ERBB2: variants seen among roughly 807,000 people sequenced by gnomAD.
The protein encoded by ERBB2 is receptor tyrosine-protein kinase erbB-2.
In ERBB2, 61 loss-of-function variants were observed where a neutral mutation model predicts 149.0. That is an observed-to-expected ratio of 0.41 (90% confidence interval 0.33 to 0.51). ERBB2 has a LOEUF of 0.51. Among genes scored for constraint, ERBB2 ranks in the 20% least tolerant of loss-of-function variants. The pLI is 0.25. For missense variants in ERBB2, 1,205 were observed against 1,655.1 expected (o/e 0.73, Z 4.72); for synonymous variants, 633 against 678.8 (o/e 0.93, Z 1.05).
Position 39,709,298 on chromosome 17 carries a change from G to A in ERBB2, c.440-20G>A. 2 of 1,613,946 alleles carry A rather than the reference G, an allele frequency of 1.2e-6. No homozygotes were observed. The highest frequency in any genetic ancestry group is 1.7e-6 in the Non-Finnish European group (2 of 1,179,894). On this transcript the variant is annotated intron_variant, in intron 3 of 26. Coordinates refer to ENST00000269571, the MANE Select transcript of ERBB2 (RefSeq NM_004448.4). ...GTGACAGAAGGGGAAAGGGTCCTCT[G>A]ATCATTGCTCACCCCACAGAGATCT...
In ERBB2 at chr17:39,728,605, G is replaced by A. The variant is rs552475695; in HGVS notation, c.*561G>A. 4 of 233,496 alleles carry A rather than the reference G, an allele frequency of 1.7e-5. No homozygotes were observed. The highest frequency in any genetic ancestry group is 8.8e-5 in the African/African-American group (4 of 45,426). The allele number at this position is 233,496 out of a possible 1,614,324, so 14.5% of individuals were successfully genotyped here. A position where few individuals can be genotyped will look rare whatever the true frequency, so the allele number is the denominator to read the frequency against. ...GGTGTTGTATGGGGAGGCAAGTGTG[G>A]GGGGTCCTTCTCCACACCCACTTTG... On this transcript the variant is annotated 3_prime_UTR_variant, in exon 27 of 27. Coordinates refer to ENST00000269571, the MANE Select transcript of ERBB2 (RefSeq NM_004448.4).
chr17:39,696,795 C>T (rs2643194), upstream of ERBB2: 101,469 of 152,144 alleles, frequency 0.67, 34,138 homozygotes, highest in South Asian at 0.73. Context: ...CAGTAGCTTT[C>T]CTGACTGGAC....
In ERBB2 at chr17:39,715,891, C is replaced by G. The variant is rs987507136; in HGVS notation, c.1465C>G (p.Pro489Ala). The G allele has an allele frequency of 1.2e-6, 2 of 1,612,348 alleles. No homozygotes were observed. The highest frequency in any genetic ancestry group is 1.7e-6 in the Non-Finnish European group (2 of 1,180,022). Reference sequence around the variant, plus strand: ...GCCCTGGGACCAGCTCTTTCGGAACCCGCACCAAGCTCTGCTCCACACTGC... The same window carrying G: ...GCCCTGGGACCAGCTCTTTCGGAACGCGCACCAAGCTCTGCTCCACACTGC... ...TVPWDQLFRN[P>A]HQALLHTANR... The change falls in exon 12 of 27, where the codon CCG becomes GCG. Residue 489 changes from proline to alanine, a missense_variant. Pro to Ala is a conservative substitution (Grantham distance 27, BLOSUM62 -1). This residue lies in a region of ERBB2 where 569 missense variants were observed against 803.5 expected (regional missense o/e 0.71). Coordinates refer to ENST00000269571, the MANE Select transcript of ERBB2 (RefSeq NM_004448.4).
Position 39,700,314 on chromosome 17 carries a change from G to A in ERBB2, c.73+3G>A, listed in dbSNP as rs1036425677. 1.8e-5 allele frequency: 26 copies of A among 1,409,126 alleles called. No homozygotes were observed. In the African/African-American group the frequency reaches 2.5e-4, roughly 14 times the overall value. The allele number at this position is 1,409,126 out of a possible 1,614,324, so 87.3% of individuals were successfully genotyped here. On this transcript the variant is annotated splice_donor_region_variant and intron_variant, in intron 1 of 26. Transcript: ENST00000269571. The stretch of plus-strand genomic sequence containing the variant: ...CCCCGGAGCCGCGAGCACCCAAGGT[G>A]GGTCTGGTGTGGGGAGGGGACGGAG...
chr17:39,694,245 A>ATG (rs1481728992), upstream of ERBB2, among the ~76,000 whole-genome samples: 1 of 41,654 alleles, frequency 2.4e-5, no homozygotes, highest in African/African-American at 8.3e-5. Context: ...ATATATATAT[A>ATG]TATATATATA....
intron 9 of ERBB2, chr17:39,713,064 T>C (rs1463828670): frequency 6.5e-6 from 1 of 152,796 alleles, no homozygotes; most frequent in Non-Finnish European, 1.5e-5. Context: ...GGGTAGTGGA[T>C]ACATGAGCGA....
rs775001274 is a variant in ERBB2 at position 39,726,803 on chromosome 17, CT to C, written c.2971-10del. Reference sequence around the variant, plus strand: ...GGGAGGGGCCACCATCCTGCCTCTCCTTCCTCCACAGAATGAGGACTTGGGC... The same window carrying C: ...GGGAGGGGCCACCATCCTGCCTCTCCTCCTCCACAGAATGAGGACTTGGGC... On this transcript the variant is annotated splice_polypyrimidine_tract_variant and intron_variant, in intron 24 of 26. Transcript: ENST00000269571. This position sits in a 1 kb window ranked among gnomAD's most constrained non-coding sequence, Gnocchi z 5.1. The C allele has an allele frequency of 4.7e-5, 76 of 1,608,856 alleles. No individual in the cohort carries two copies. Among genetic ancestry groups the C allele is most frequent in the Non-Finnish European group, 6.4e-5 (75 of 1,176,346 alleles).
chr17:39,721,824 A>G (rs1237395450), intron 16 of ERBB2, among the ~76,000 whole-genome samples: 4 of 152,234 alleles, frequency 2.6e-5, no homozygotes, highest in East Asian at 3.8e-4. Context: ...TGACTTTACA[A>G]TGGTGGAAAA....
At chr17:39,709,253 G>A (rs2145465386) in intron 3 of ERBB2, 65 bp from the exon 4 acceptor site, 1 of 1,588,330 alleles carries the variant, frequency 6.3e-7, no homozygotes, top group Non-Finnish European at 8.6e-7. Flanking sequence ...AAGGCAGGAG[G>A]GCCCCAAGGG....
rs755744500 is a variant in ERBB2 at position 39,728,039 on chromosome 17, G to T, written c.3763G>T (p.Val1255Leu). The change falls in exon 27 of 27, where the codon GTG becomes TTG. Residue 1255 changes from valine to leucine, a missense_variant. Val to Leu is a conservative substitution (Grantham distance 32). Around this residue, in one of 6 missense-constraint regions of ERBB2, gnomAD observed 312 missense variants for 343.8 expected, o/e 0.91. Coordinates refer to ENST00000269571, the MANE Select transcript of ERBB2 (RefSeq NM_004448.4). ...NPEYLGLDVPV is the reference protein window; with the variant it reads ...NPEYLGLDVPL ...AGAGTACCTGGGTCTGGACGTGCCAGTGTGAACCAGAAGGCCAAGTCCGCA... is the reference window on the plus strand; with the variant it reads ...AGAGTACCTGGGTCTGGACGTGCCATTGTGAACCAGAAGGCCAAGTCCGCA... The T allele has an allele frequency of 1.1e-5, 17 of 1,578,978 alleles. No homozygotes were observed. The East Asian group carries it at 3.4e-4, about 31-fold the overall frequency.
In ERBB2 at chr17:39,709,837, AG is replaced by A; in HGVS notation, c.602del (p.Gly201AlafsTer15). 1 of 1,613,340 alleles carries A rather than the reference AG, an allele frequency of 6.2e-7. No homozygotes were observed. The highest frequency in any genetic ancestry group is 8.5e-7 in the Non-Finnish European group (1 of 1,179,978). ...GGCCACCCCTGTTCTCCGATGTGTAAGGGCTCCCGCTGCTGGGGAGAGAGTT... is the reference window on the plus strand; with the variant it reads ...GGCCACCCCTGTTCTCCGATGTGTAAGGCTCCCGCTGCTGGGGAGAGAGTT... Reference protein sequence around the residue: ...RACHPCSPMCKGSRCWGESSE... With the variant: ...RACHPCSPMCXGSRCWGESSE... On this transcript the variant is annotated frameshift_variant, in exon 5 of 27. Coordinates refer to ENST00000269571, the MANE Select transcript of ERBB2 (RefSeq NM_004448.4). LOFTEE classifies it high-confidence loss of function.
chr17:39,710,192 T>C lies in ERBB2; in HGVS notation c.750T>C (p.Ser250=), dbSNP rs2145506722. 1 of 1,612,808 alleles carries C rather than the reference T, an allele frequency of 6.2e-7. No individual in the cohort carries two copies. Among genetic ancestry groups the C allele is most frequent in the Non-Finnish European group, 8.5e-7 (1 of 1,179,452 alleles). ...CCGGCTGCACGGGCCCCAAGCACTCTGACTGCCTGGTATGTGCCTCTGCTT... is the reference window on the plus strand; with the variant it reads ...CCGGCTGCACGGGCCCCAAGCACTCCGACTGCCTGGTATGTGCCTCTGCTT... ...CAAGCTGPKH[S]DCLACLHFNH... is the part of the protein sequence containing the mutation. Residue 250 remains serine (S), a synonymous_variant, in exon 6 of 27, where the codon TCT becomes TCC. Transcript: ENST00000269571.
chr17:39,710,429 C>A lies in ERBB2; in HGVS notation c.849C>A (p.Pro283=), dbSNP rs2058729241. Reference sequence around the variant, plus strand: ...ACACAGACACGTTTGAGTCCATGCCCAATCCCGAGGGCCGGTATACATTCG... The same window carrying A: ...ACACAGACACGTTTGAGTCCATGCCAAATCCCGAGGGCCGGTATACATTCG... ...TYNTDTFESM[P]NPEGRYTFGA... Residue 283 remains proline, a synonymous_variant, in exon 7 of 27, where the codon CCC becomes CCA. Coordinates refer to ENST00000269571, the MANE Select transcript of ERBB2 (RefSeq NM_004448.4). 1 of 1,614,000 alleles carries A rather than the reference C, an allele frequency of 6.2e-7. No homozygotes were observed. Among genetic ancestry groups the A allele is most frequent in the African/African-American group, 1.3e-5 (1 of 74,944 alleles).
intron 1 of ERBB2, chr17:39,703,291 G>A (rs2058219111): frequency 6.6e-6 from 1 of 152,304 alleles, no homozygotes; most frequent in Non-Finnish European, 1.5e-5. Flanking sequence ...CAGGGTAGTT[G>A]TGCCTGTCCT....
rs551930746 is a variant in ERBB2, at chr17:39,727,224, G to A, written c.3160-71G>A. 16 of 1,565,538 alleles carry A rather than the reference G, an allele frequency of 1.0e-5. No individual in the cohort carries two copies. The South Asian group carries it at 1.7e-4, about 17-fold the overall frequency. ...ACCTCTGTTTTTCTCCTGTGACCCT[G>A]TCACCTTCCATGGAGTCCCCATCCC... On this transcript the variant is annotated intron_variant, in intron 25 of 26. Coordinates refer to ENST00000269571, the MANE Select transcript of ERBB2 (RefSeq NM_004448.4). This position sits in a 1 kb window ranked among gnomAD's most constrained non-coding sequence, Gnocchi z 4.3.
chr17:39,724,272 A>ATTTTTTTT lies in ERBB2; in HGVS notation c.2307+271_2307+278dup, dbSNP rs71149796. On this transcript the variant is annotated intron_variant, in intron 19 of 26. Coordinates refer to ENST00000269571, the MANE Select transcript of ERBB2 (RefSeq NM_004448.4). Reference sequence around the variant, plus strand: ...TAGCTGGGATTACAAGCGCCCGCTAATTTTTTTTTTTTTTTTGAGACAGAG... The same window carrying ATTTTTTTT: ...TAGCTGGGATTACAAGCGCCCGCTAATTTTTTTTTTTTTTTTTTTTTTTTGAGACAGAG... Among the ~76,000 whole-genome samples the ATTTTTTTT allele has an allele frequency of 8.6e-3, 664 of 76,946 alleles. 86 individuals are homozygous for ATTTTTTTT. Among genetic ancestry groups the ATTTTTTTT allele is most frequent in the African/African-American group, 0.028 (612 of 21,908 alleles). The allele number at this position is 76,946 out of a possible 152,430, so 50.5% of individuals were successfully genotyped here. A position where few individuals can be genotyped will look rare whatever the true frequency, so the allele number is the denominator to read the frequency against.
chr17:39,710,398 C>T lies in ERBB2; in HGVS notation c.818C>T (p.Thr273Ile), dbSNP rs752295912. The T allele has an allele frequency of 9.9e-6, 16 of 1,614,186 alleles. No individual in the cohort carries two copies. Among genetic ancestry groups the T allele is most frequent in the South Asian group, 6.6e-5 (6 of 91,082 alleles). Residue 273 changes from threonine to isoleucine, a missense_variant, in exon 7 of 27, where the codon ACC becomes ATC. By Grantham distance (89) the Thr-to-Ile change is moderately conservative. Coordinates refer to ENST00000269571, the MANE Select transcript of ERBB2 (RefSeq NM_004448.4). ...GAGCTGCACTGCCCAGCCCTGGTCACCTACAACACAGACACGTTTGAGTCC... is the reference window on the plus strand; with the variant it reads ...GAGCTGCACTGCCCAGCCCTGGTCATCTACAACACAGACACGTTTGAGTCC... ...ICELHCPALV[T>I]YNTDTFESMP...
rs777832171 is a variant in ERBB2 at position 39,712,167 on chromosome 17, T to C, written c.1021+120T>C. 1.7e-5 allele frequency: 26 copies of C among 1,546,470 alleles called. No individual in the cohort carries two copies. In the African/African-American group the frequency reaches 3.3e-4, roughly 19 times the overall value. ...CTCTTGGGACCTAGTCTCTGCCTTC[T>C]ACTCTCTACCCCTGGCCCCCCTCAG... On this transcript the variant is annotated intron_variant, in intron 8 of 26. Transcript: ENST00000269571.
At chr17:39,724,965 A>G (rs888961889) in intron 20 of ERBB2, 54 bp downstream of exon 20, 2 of 1,607,332 alleles carry the variant, frequency 1.2e-6, no homozygotes, top group African/African-American at 1.3e-5. Flanking sequence ...TATGTCCACA[A>G]GGGGCTAGGA....
Sources: gnomAD v4.1 joint callset for allele counts (sites outside exome capture counted in the v4.1 genomes callset) on GRCh38, gnomAD v4.1.1 for gene constraint, gnomAD v4.1.1 regional missense constraint, Gnocchi (gnomAD v3.1) non-coding constraint, MANE v1.5 for transcripts, NCBI Gene and HGNC (gene_info 2026-07-23, HGNC 2026-07-21) for gene names.